The following CARM1 variants were observed in gnomAD, a reference collection of about 807,000 sequenced individuals.
The protein encoded by CARM1 is coactivator associated arginine methyltransferase 1.
A neutral mutation model predicts 72.7 loss-of-function variants in CARM1; 14 were observed. The ratio of observed to expected loss-of-function variants is 0.19; its 90% CI spans 0.13 to 0.30. CARM1 has a LOEUF of 0.30. CARM1 is among the 10% of genes least tolerant of loss of function. The probability of loss-of-function intolerance (pLI) is 1.00; values close to 1 mark genes in which losing one functional copy is unlikely to be tolerated. For missense variants in CARM1, 432 were observed against 833.7 expected (o/e 0.52, Z 5.93); for synonymous variants, 333 against 345.5 (o/e 0.96, Z 0.40).
At chr19:10,909,286 A>C in intron 4 of CARM1, 79 bp downstream of exon 4, 1 of 875,238 alleles carries the variant, frequency 1.1e-6, no homozygotes. Flanking sequence ...TTTATCTTTA[A>C]TTTTCTCAGA....
intron 4 of CARM1, among the ~76,000 whole-genome samples, chr19:10,910,360 A>G (rs1311117500): frequency 6.6e-6 from 1 of 151,776 alleles, no homozygotes. Flanking sequence ...AGGCACCTGT[A>G]GTCCCAGCTA....
intron 3 of CARM1, among the ~76,000 whole-genome samples, 182 bp from the exon 4 acceptor site, chr19:10,908,921 G>A (rs2074124517): frequency 6.6e-6 from 1 of 152,176 alleles, no homozygotes; most frequent in Non-Finnish European, 1.5e-5. Flanking sequence ...CCTCCTGGGG[G>A]CTGCCCTCCG....
intron 1 of CARM1, among the ~76,000 whole-genome samples, chr19:10,887,190 C>T (rs931498495): frequency 6.6e-6 from 1 of 152,276 alleles, no homozygotes; most frequent in African/African-American, 2.4e-5. Context: ...TCTGACTCCT[C>T]CACAGGGCAG....
At chr19:10,872,930 GC>G (rs1379742454) in intron 1 of CARM1, among the ~76,000 whole-genome samples, 1 of 152,086 alleles carries the variant, frequency 6.6e-6, no homozygotes, top group African/African-American at 2.4e-5. Flanking sequence ...TTTGGAAACG[GC>G]CCGATTAAAG....
intron 1 of CARM1, among the ~76,000 whole-genome samples, chr19:10,895,521 G>A (rs575687518): frequency 6.6e-6 from 1 of 152,350 alleles, no homozygotes; most frequent in South Asian, 2.1e-4. Flanking sequence ...GGGAGGGGAA[G>A]GAGGTGAACA....
chr19:10,881,441 C>T (rs2073901597), intron 1 of CARM1, among the ~76,000 whole-genome samples: 1 of 152,160 alleles, frequency 6.6e-6, no homozygotes, highest in South Asian at 2.1e-4. Flanking sequence ...TGGGGGCTCT[C>T]TGCGCAGGGC....
At chr19:10,918,175 A>T (rs568882384) in intron 8 of CARM1, among the ~76,000 whole-genome samples, 44 of 152,296 alleles carry the variant, frequency 2.9e-4, no homozygotes, top group African/African-American at 1.1e-3. Context: ...TGTTAATGCA[A>T]GTCCAGTGGT....
chr19:10,916,303 C>A lies in CARM1; in HGVS notation c.848-104C>A. The A allele has an allele frequency of 2.7e-6, 2 of 737,774 alleles. No individual in the cohort carries two copies. Among genetic ancestry groups the A allele is most frequent in the Non-Finnish European group, 4.8e-6 (2 of 418,556 alleles). 45.7% of individuals were successfully genotyped at this position (737,774 alleles called of 1,614,324 possible). On this transcript the variant is annotated intron_variant, in intron 6 of 15. Coordinates refer to ENST00000327064, the MANE Select transcript of CARM1 (RefSeq NM_199141.2). This position sits in a 1 kb window ranked among gnomAD's most constrained non-coding sequence, Gnocchi z 4.4. ...AGTGCAGGAACGAATGGATGACAGG[C>A]TGGGAGCACCCAGGGTTGGGGGTCT...
intron 1 of CARM1, among the ~76,000 whole-genome samples, chr19:10,890,659 A>G (rs1452080800): frequency 6.6e-6 from 1 of 150,378 alleles, no homozygotes; most frequent in Non-Finnish European, 1.5e-5. Flanking sequence ...GTATATACGT[A>G]TATATGTGTA....
At chr19:10,872,372 G>A (rs1320572249) in intron 1 of CARM1, among the ~76,000 whole-genome samples, 1 of 152,138 alleles carries the variant, frequency 6.6e-6, no homozygotes, top group Non-Finnish European at 1.5e-5. Context: ...ATCCCTCTGG[G>A]GACCCCCTGG....
chr19:10,905,390 A>G (rs1177029396), intron 2 of CARM1, among the ~76,000 whole-genome samples: 2 of 128,518 alleles, frequency 1.6e-5, no homozygotes, highest in Non-Finnish European at 3.5e-5. Flanking sequence ...GCCAGCTGTG[A>G]CTGGGCCAGC....
chr19:10,872,732 C>G (rs1555723651), intron 1 of CARM1, among the ~76,000 whole-genome samples: 3 of 152,102 alleles, frequency 2.0e-5, no homozygotes, highest in Admixed American at 6.6e-5. Context: ...CCCCCACCCC[C>G]GCTCCCAGTC....
chr19:10,921,660 A>G lies in CARM1; in HGVS notation c.1730A>G (p.His577Arg). The G allele has an allele frequency of 6.2e-7, 1 of 1,613,522 alleles. No individual in the cohort carries two copies. Among genetic ancestry groups the G allele is most frequent in the Non-Finnish European group, 8.5e-7 (1 of 1,179,884 alleles). Residue 577 changes from histidine (H) to arginine (R), a missense_variant, in exon 16 of 16, where the codon CAC becomes CGC. Physicochemically the swap from His to Arg is conservative, Grantham distance 29 (BLOSUM62 0). This residue lies in a region of CARM1 where 142 missense variants were observed against 188.7 expected (regional missense o/e 0.75). Coordinates refer to ENST00000327064, the MANE Select transcript of CARM1 (RefSeq NM_199141.2). ...AGTGGTGGTGGCAGCACGAGTGCCC[A>G]CTATGCAGTCAACAGCCAGTTCACC... The part of the protein sequence containing the change: ...QGSGGGSTSA[H>R]YAVNSQFTMG...
intron 1 of CARM1, among the ~76,000 whole-genome samples, chr19:10,875,189 G>C (rs560909708): frequency 6.6e-6 from 1 of 152,292 alleles, no homozygotes; most frequent in African/African-American, 2.4e-5. Context: ...GGTACTGGCA[G>C]GGCCACAATC....
At chr19:10,889,962 A>C (rs1172213092) in intron 1 of CARM1, among the ~76,000 whole-genome samples, 1 of 152,210 alleles carries the variant, frequency 6.6e-6, no homozygotes, top group African/African-American at 2.4e-5. Context: ...TGGCCTGAAA[A>C]GCTAACCTGT....
chr19:10,882,955 G>A (rs2073913110), intron 1 of CARM1, among the ~76,000 whole-genome samples: 1 of 152,118 alleles, frequency 6.6e-6, no homozygotes, highest in African/African-American at 2.4e-5. Flanking sequence ...TAGGGGAGAG[G>A]CTGGCCTGGC....
intron 1 of CARM1, among the ~76,000 whole-genome samples, chr19:10,903,994 C>T (rs2074084704): frequency 6.6e-6 from 1 of 152,044 alleles, no homozygotes; most frequent in South Asian, 2.1e-4. Context: ...GTGGGCCCAG[C>T]CTCCCCAGTT....
intron 5 of CARM1, 29 bp from the exon 6 acceptor site, chr19:10,913,848 G>A: frequency 1.2e-6 from 2 of 1,600,900 alleles, no homozygotes; most frequent in Non-Finnish European, 8.5e-7. Context: ...AAGACGCAGG[G>A]AAGCCCACAT....
chr19:10,911,280 A>T (rs2074148537), intron 4 of CARM1, among the ~76,000 whole-genome samples: 1 of 152,066 alleles, frequency 6.6e-6, no homozygotes, highest in Non-Finnish European at 1.5e-5. Context: ...GATCTGCCTC[A>T]TCCAGCGCCT....
Sources: gnomAD v4.1 joint callset for allele counts (sites outside exome capture counted in the v4.1 genomes callset) on GRCh38, gnomAD v4.1.1 for gene constraint, gnomAD v4.1.1 regional missense constraint, Gnocchi (gnomAD v3.1) non-coding constraint, MANE v1.5 for transcripts, NCBI Gene and HGNC (gene_info 2026-07-23, HGNC 2026-07-21) for gene names.